ANKRD26: variants seen among roughly 807,000 people sequenced by gnomAD.
ANKRD26 encodes the protein ankyrin repeat domain-containing protein 26.
Under a neutral mutation model 208.7 loss-of-function variants are expected in ANKRD26, and 141 were observed. That is an observed-to-expected ratio of 0.68 (90% CI 0.59 to 0.78). The LOEUF is 0.78. ANKRD26 is among the 30% of genes least tolerant of loss of function. The pLI is 0.00. For synonymous variants in ANKRD26, 636 were observed against 660.4 expected, an observed-to-expected ratio of 0.96 and a Z score of 0.57; for missense variants, 1,889 against 1,938.7, an observed-to-expected ratio of 0.97 and a Z score of 0.48.
chr10:26,958,088 T>C, the ANKRD26 span, among the ~76,000 whole-genome samples: 1 of 150,070 alleles, frequency 6.7e-6, no homozygotes, highest in Admixed American at 6.6e-5. Flanking sequence ...TATATATATA[T>C]ATATTTATTT....
In ANKRD26 at chr10:27,067,116, C is replaced by T. The variant is rs140837139; in HGVS notation, c.1207+41G>A. On this transcript the variant is annotated intron_variant, in intron 10 of 33. Coordinates refer to ENST00000376087, the MANE Select transcript of ANKRD26 (RefSeq NM_014915.3). Reference sequence around the variant, plus strand: ...GCCACATCTGGACCCCAGAATAGAACTTAAGGATAGAAAAATATTCAGAGA... The same window carrying T: ...GCCACATCTGGACCCCAGAATAGAATTTAAGGATAGAAAAATATTCAGAGA... 217 of 1,603,650 alleles carry T rather than the reference C, an allele frequency of 1.4e-4. No individual in the cohort carries two copies. In the African/African-American group the frequency reaches 2.5e-3, roughly 18 times the overall value.
downstream of ANKRD26, among the ~76,000 whole-genome samples, chr10:26,991,100 C>T (rs1243254046): frequency 6.6e-6 from 1 of 152,142 alleles, no homozygotes. Flanking sequence ...TCCCCCTCAA[C>T]TAAACAACAA....
At chr10:27,001,035 A>G (rs2052712396), downstream of ANKRD26, among the ~76,000 whole-genome samples, 1 of 152,134 alleles carries the variant, frequency 6.6e-6, no homozygotes, top group African/African-American at 2.4e-5. Context: ...CAAACAAAAG[A>G]CAGAATAACT....
At chr10:26,991,275 A>G (rs548440539), downstream of ANKRD26, among the ~76,000 whole-genome samples, 19 of 152,266 alleles carry the variant, frequency 1.2e-4, no homozygotes, top group African/African-American at 3.9e-4. Flanking sequence ...TGGTTGCTAG[A>G]TGTAAATAAA....
chr10:27,026,649 G>A (rs2135085865), intron 27 of ANKRD26, among the ~76,000 whole-genome samples: 1 of 152,232 alleles, frequency 6.6e-6, no homozygotes, highest in South Asian at 2.1e-4. Flanking sequence ...TTTCTACACA[G>A]GAAAGTGTGA....
downstream of ANKRD26, among the ~76,000 whole-genome samples, chr10:27,002,653 T>C (rs10458707): frequency 0.29 from 43,580 of 152,136 alleles, 7,366 homozygotes; most frequent in East Asian, 0.43. Context: ...TGAATGCAAA[T>C]TACTATAAAA....
chr10:27,054,509 C>T (rs540934462), intron 15 of ANKRD26, among the ~76,000 whole-genome samples: 5 of 152,096 alleles, frequency 3.3e-5, no homozygotes, highest in East Asian at 1.9e-4. Flanking sequence ...CACTTGAACC[C>T]GGGAGGCGGA....
exon 6 of ANKRD26, among the ~76,000 whole-genome samples, chr10:26,975,880 T>A (rs1185424906): frequency 6.6e-6 from 1 of 151,428 alleles, no homozygotes; most frequent in African/African-American, 2.4e-5. Flanking sequence ...AAATAAATAA[T>A]AAATAAATGA....
intron 5 of ANKRD26, among the ~76,000 whole-genome samples, chr10:27,083,217 G>T (rs898932293): frequency 2.6e-5 from 4 of 151,576 alleles, no homozygotes; most frequent in African/African-American, 9.7e-5. Context: ...ACTACTCCTG[G>T]AAATATAAAC....
At chr10:26,990,607 C>T (rs1216436579), downstream of ANKRD26, among the ~76,000 whole-genome samples, 4 of 152,046 alleles carry the variant, frequency 2.6e-5, no homozygotes, top group Admixed American at 6.6e-5. Flanking sequence ...AAACCTAATC[C>T]GAGCCATGTC....
At chr10:27,058,311 T>A (rs1274510942) in intron 15 of ANKRD26, among the ~76,000 whole-genome samples, 1 of 152,200 alleles carries the variant, frequency 6.6e-6, no homozygotes, top group Non-Finnish European at 1.5e-5. Flanking sequence ...GGTCACATAA[T>A]GCATAATATA....
intron 29 of ANKRD26, among the ~76,000 whole-genome samples, chr10:27,021,578 C>T (rs1427044668): frequency 2.0e-5 from 3 of 152,102 alleles, no homozygotes; most frequent in Admixed American, 6.5e-5. Context: ...TTTGGTCATT[C>T]GTATGTCTTC....
intron 1 of ANKRD26, among the ~76,000 whole-genome samples, chr10:27,095,180 G>C (rs532359464): frequency 1.5e-3 from 234 of 152,224 alleles, no homozygotes; most frequent in African/African-American, 5.2e-3. Flanking sequence ...AATTCTTATT[G>C]TGTTTTCAAG....
chr10:27,069,009 T>C (rs772076323), intron 9 of ANKRD26, among the ~76,000 whole-genome samples: 6 of 151,612 alleles, frequency 4.0e-5, no homozygotes, highest in Non-Finnish European at 5.9e-5. Flanking sequence ...GCCTGGCCAA[T>C]ATGATGGAAC....
intron 28 of ANKRD26, among the ~76,000 whole-genome samples, chr10:27,023,234 T>C (rs4749216): frequency 0.2 from 30,084 of 151,672 alleles, 3,569 homozygotes; most frequent in East Asian, 0.56. Context: ...GAGGCTGAGT[T>C]GGGAGGCGGA....
chr10:27,037,082 C>T, intron 23 of ANKRD26, 104 bp downstream of exon 23: 2 of 1,229,938 alleles, frequency 1.6e-6, no homozygotes, highest in South Asian at 3.0e-5. Flanking sequence ...GTTTAAAAAT[C>T]CTCGACACTT....
the ANKRD26 span, among the ~76,000 whole-genome samples, chr10:26,958,333 G>A: frequency 6.6e-6 from 1 of 152,032 alleles, no homozygotes; most frequent in Non-Finnish European, 1.5e-5. Context: ...TGATCTGCCT[G>A]CCTTGGCCTC....
chr10:27,018,850 A>G (rs1364132593), intron 29 of ANKRD26, among the ~76,000 whole-genome samples: 1 of 152,248 alleles, frequency 6.6e-6, no homozygotes, highest in Admixed American at 6.5e-5. Context: ...AATTGAATAA[A>G]GATGTAAAAA....
At chr10:27,029,431 T>A in intron 25 of ANKRD26, 75 bp from the exon 26 acceptor site, 1 of 1,408,828 alleles carries the variant, frequency 7.1e-7, no homozygotes, top group Non-Finnish European at 9.9e-7. Flanking sequence ...TTTTTGTAAC[T>A]AAACCTTATC....
Sources: allele counts gnomAD v4.1 joint callset (sites outside exome capture counted in the v4.1 genomes callset), GRCh38; gene constraint gnomAD v4.1.1; transcripts MANE v1.5; gene names NCBI Gene and HGNC (gene_info 2026-07-23, HGNC 2026-07-21).